The following REV3L variants were observed in gnomAD, a reference collection of about 807,000 sequenced individuals.
REV3L encodes DNA polymerase zeta catalytic subunit.
In REV3L, 69 loss-of-function variants were observed where a neutral mutation model predicts 299.4. That is an observed-to-expected ratio of 0.23 (90% confidence interval 0.19 to 0.28). The LOEUF is 0.28. Among genes scored for constraint, REV3L ranks in the 10% least tolerant of loss-of-function variants. REV3L has a pLI of 1.00. For synonymous variants in REV3L, 1,238 were observed against 1,271.4 expected, an observed-to-expected ratio of 0.97 and a Z score of 0.56; for missense variants, 3,128 against 3,693.8, an observed-to-expected ratio of 0.85 and a Z score of 3.97.
intron 1 of REV3L, among the ~76,000 whole-genome samples, chr6:111,460,914 T>A (rs1790692900): frequency 6.6e-6 from 1 of 152,124 alleles, no homozygotes; most frequent in Admixed American, 6.6e-5. Flanking sequence ...AACATTGTAG[T>A]ACGATGAGTT....
chr6:111,301,777 C>T (rs1441099509), intron 31 of REV3L, among the ~76,000 whole-genome samples: 1 of 151,746 alleles, frequency 6.6e-6, no homozygotes, highest in East Asian at 1.9e-4. Context: ...ACACAATGAT[C>T]AATTTTTAAA....
chr6:111,299,886 A>C lies in REV3L; in HGVS notation c.*130T>G. On this transcript the variant is annotated 3_prime_UTR_variant, in exon 32 of 32. Coordinates refer to ENST00000368802, the MANE Select transcript of REV3L (RefSeq NM_001372078.1). ...TACATTTTAATTCGGTTAGCATAGA[A>C]GTCTTCATAGTCTTCAGATAACAGA... 1 of 821,098 alleles carries C rather than the reference A, an allele frequency of 1.2e-6. No homozygotes were observed. The highest frequency in any genetic ancestry group is 1.9e-6 in the Non-Finnish European group (1 of 535,274). The allele number at this position is 821,098 out of a possible 1,614,324, so 50.9% of individuals were successfully genotyped here.
At chr6:111,395,627 A>G (rs1782412219) in intron 4 of REV3L, among the ~76,000 whole-genome samples, 1 of 152,122 alleles carries the variant, frequency 6.6e-6, no homozygotes, top group Non-Finnish European at 1.5e-5. Context: ...TTTGCCATAT[A>G]TATCATGTCA....
At chr6:111,422,661 T>TCCCCCC (rs1785649535) in intron 1 of REV3L, among the ~76,000 whole-genome samples, 1 of 52,392 alleles carries the variant, frequency 1.9e-5, no homozygotes, top group Non-Finnish European at 4.6e-5. Flanking sequence ...TATATATATA[T>TCCCCCC]ACATATATAT....
At chr6:111,380,529 G>C (rs1015963829) in intron 10 of REV3L, among the ~76,000 whole-genome samples, 22 of 152,182 alleles carry the variant, frequency 1.4e-4, no homozygotes, top group African/African-American at 5.1e-4. Context: ...AAAGTGCTGG[G>C]ATTACAGGCG....
chr6:111,329,805 G>A (rs17511328), intron 24 of REV3L, 67 bp from the exon 25 acceptor site: 12 of 1,241,154 alleles, frequency 9.7e-6, no homozygotes, highest in Non-Finnish European at 1.4e-5. Context: ...TAAGAAGGAA[G>A]CATAAAACAT....
intron 1 of REV3L, among the ~76,000 whole-genome samples, chr6:111,429,807 C>T (rs1390871083): frequency 6.6e-6 from 1 of 151,962 alleles, no homozygotes; most frequent in East Asian, 1.9e-4. Context: ...AGCACAGGGG[C>T]CCGGTCGGAC....
intron 1 of REV3L, among the ~76,000 whole-genome samples, chr6:111,437,609 G>C (rs1165927222): frequency 6.6e-6 from 1 of 151,668 alleles, no homozygotes; most frequent in East Asian, 1.9e-4. Context: ...CATATTATAT[G>C]ACTCCATTTA....
intron 4 of REV3L, among the ~76,000 whole-genome samples, chr6:111,397,811 C>CT (rs1319418546): frequency 1.3e-5 from 2 of 151,852 alleles, no homozygotes; most frequent in African/African-American, 2.4e-5. Context: ...TGATTTTTAT[C>CT]TTTTTTGTAA....
chr6:111,468,699 T>C (rs1791811965), intron 1 of REV3L, among the ~76,000 whole-genome samples: 1 of 152,178 alleles, frequency 6.6e-6, no homozygotes, highest in Non-Finnish European at 1.5e-5. Context: ...TCTGTATTAG[T>C]TTTTCTCATT....
At chr6:111,392,845 A>T in intron 5 of REV3L, 31 bp downstream of exon 5, 1 of 1,428,254 alleles carries the variant, frequency 7.0e-7, no homozygotes. Context: ...ATATATGTAA[A>T]ATTTTCATTT....
Position 111,454,666 on chromosome 6 carries a change from T to C in REV3L, c.139+28084A>G, listed in dbSNP as rs547743297. Among the ~76,000 whole-genome samples the C allele has an allele frequency of 6.6e-5, 10 of 152,104 alleles. No homozygotes were observed. In the South Asian group the frequency reaches 1.9e-3, roughly 28 times the overall value. On this transcript the variant is annotated intron_variant, in intron 1 of 31. Transcript: ENST00000368802. ...CATGTATTTGTCCTTCCTTCCTGAG[T>C]TTTTTCTAACTTTTTTTGAGATGGA...
chr6:111,387,067 T>A (rs1485523722), intron 9 of REV3L, among the ~76,000 whole-genome samples: 1 of 152,178 alleles, frequency 6.6e-6, no homozygotes, highest in African/African-American at 2.4e-5. Flanking sequence ...ACTCAAATGC[T>A]GATCAACTGA....
chr6:111,440,521 T>A (rs1788139180), intron 1 of REV3L, among the ~76,000 whole-genome samples: 1 of 150,738 alleles, frequency 6.6e-6, no homozygotes, highest in Non-Finnish European at 1.5e-5. Context: ...CAATTACTTA[T>A]AAGGGACAGC....
intron 1 of REV3L, among the ~76,000 whole-genome samples, chr6:111,446,682 C>T (rs1008595084): frequency 4.7e-5 from 7 of 150,002 alleles, no homozygotes; most frequent in Admixed American, 1.3e-4. Flanking sequence ...GCATGAGCGA[C>T]GGAGTGAGAC....
At chr6:111,450,341 C>T (rs889741519) in intron 1 of REV3L, among the ~76,000 whole-genome samples, 1 of 151,616 alleles carries the variant, frequency 6.6e-6, no homozygotes, top group Non-Finnish European at 1.5e-5. Context: ...TAGCCAGGCA[C>T]GGTGATGCGC....
rs746987974 is a variant in REV3L, at chr6:111,365,302, G to T, written c.6716C>A (p.Thr2239Asn). 6.4e-7 allele frequency: 1 copy of T among 1,572,802 alleles called. No individual in the cohort carries two copies. Among genetic ancestry groups the T allele is most frequent in the Non-Finnish European group, 8.6e-7 (1 of 1,160,140 alleles). The change falls in exon 15 of 32, where the codon ACT (threonine) becomes AAT (asparagine). Residue 2239 changes from threonine to asparagine, a missense_variant. By Grantham distance (65) the Thr-to-Asn change is moderately conservative (BLOSUM62 0). Transcript: ENST00000368802. Reference protein sequence around the residue: ...QKLSNKKGSNTDTLRRVLLTQ... With the variant: ...QKLSNKKGSNNDTLRRVLLTQ... Reference sequence around the variant, plus strand: ...TAACAGTACTCTTCTAAGAGTGTCAGTATTACTTCCTTTCTTATTACTCAA... The same window carrying T: ...TAACAGTACTCTTCTAAGAGTGTCATTATTACTTCCTTTCTTATTACTCAA...
At chr6:111,317,656 GT>G (rs1404741498) in intron 26 of REV3L, among the ~76,000 whole-genome samples, 1 of 152,030 alleles carries the variant, frequency 6.6e-6, no homozygotes, top group Non-Finnish European at 1.5e-5. Flanking sequence ...TGTTATATAG[GT>G]TTTTTCCAAG....
chr6:111,323,650 T>C (rs917956287), intron 25 of REV3L, among the ~76,000 whole-genome samples: 20 of 152,242 alleles, frequency 1.3e-4, no homozygotes, highest in South Asian at 4.1e-4. Flanking sequence ...GCTAATGAGA[T>C]TTTACAGTTA....
Sources: allele counts gnomAD v4.1 joint callset (sites outside exome capture counted in the v4.1 genomes callset), GRCh38; gene constraint gnomAD v4.1.1; transcripts MANE v1.5; gene names NCBI Gene and HGNC (gene_info 2026-07-23, HGNC 2026-07-21).